SUMF1: variants seen among roughly 807,000 people sequenced by gnomAD.
SUMF1 encodes formylglycine-generating enzyme.
A neutral mutation model predicts 47.6 loss-of-function variants in SUMF1; 48 were observed. The observed-to-expected ratio is 1.01, with a 90% CI of 0.80 to 1.28. SUMF1 has a LOEUF of 1.28. SUMF1 is among the 50% of genes most tolerant of loss of function. The pLI is 0.00. For missense variants in SUMF1, 571 were observed against 485.4 expected, an observed-to-expected ratio of 1.18 and a Z score of -1.66; for synonymous variants, 230 against 192.1, an observed-to-expected ratio of 1.20 and a Z score of -1.63.
chr3:4,421,705 A>T (rs1375107216), intron 3 of SUMF1, among the ~76,000 whole-genome samples: 1 of 152,078 alleles, frequency 6.6e-6, no homozygotes, highest in Admixed American at 6.5e-5. Flanking sequence ...CTGGTCTTGA[A>T]CTACTGGGCT....
At chr3:4,456,640 A>G (rs1207725350) in intron 1 of SUMF1, among the ~76,000 whole-genome samples, 30 of 80,966 alleles carry the variant, frequency 3.7e-4, no homozygotes, top group Admixed American at 4.9e-4. Flanking sequence ...ATATACGTGT[A>G]TATATATATA....
At chr3:4,167,895 G>C (rs1013792689) in intron 8 of SUMF1, among the ~76,000 whole-genome samples, 1 of 152,140 alleles carries the variant, frequency 6.6e-6, no homozygotes, top group Admixed American at 6.5e-5. Flanking sequence ...TTAGATATAG[G>C]AGGAAGATAA....
At chr3:4,174,943 T>C (rs1010079533) in intron 8 of SUMF1, among the ~76,000 whole-genome samples, 4 of 152,124 alleles carry the variant, frequency 2.6e-5, no homozygotes, top group Admixed American at 2.0e-4. Flanking sequence ...ATTGCAGCAG[T>C]CTGAGATCAA....
chr3:4,252,064 T>G (rs1465555430), intron 8 of SUMF1, among the ~76,000 whole-genome samples: 2 of 152,212 alleles, frequency 1.3e-5, no homozygotes, highest in Non-Finnish European at 2.9e-5. Flanking sequence ...TGCCTGTAGA[T>G]AGTGGTAGTT....
chr3:4,135,304 C>T (rs1051969996), intron 8 of SUMF1, among the ~76,000 whole-genome samples: 5 of 152,082 alleles, frequency 3.3e-5, no homozygotes, highest in Non-Finnish European at 7.4e-5. Flanking sequence ...CCCTGGGATG[C>T]AAGGCTGGTT....
At chr3:4,211,103 CATAT>C (rs3046240) in intron 8 of SUMF1, among the ~76,000 whole-genome samples, 4 of 91,386 alleles carry the variant, frequency 4.4e-5, no homozygotes, top group Non-Finnish European at 8.6e-5. Context: ...AATAAACTCC[CATAT>C]ATATATATAT....
intron 8 of SUMF1, among the ~76,000 whole-genome samples, chr3:4,336,755 A>G (rs1470953819): frequency 6.6e-6 from 1 of 152,254 alleles, no homozygotes; most frequent in African/African-American, 2.4e-5. Context: ...CAATTTAGAT[A>G]CATTTGATAT....
At chr3:4,078,250 T>G (rs966152204) in intron 8 of SUMF1, among the ~76,000 whole-genome samples, 1 of 152,036 alleles carries the variant, frequency 6.6e-6, no homozygotes, top group Admixed American at 6.6e-5. Flanking sequence ...CAGATGGAAA[T>G]GGGGCTGGCT....
At chr3:4,252,335 T>TC (rs753354636) in intron 8 of SUMF1, among the ~76,000 whole-genome samples, 1 of 145,678 alleles carries the variant, frequency 6.9e-6, no homozygotes, top group East Asian at 2.0e-4. Flanking sequence ...TTGGATTCGC[T>TC]CCAAATACAC....
At chr3:4,198,030 CTTT>C (rs11413694) in intron 8 of SUMF1, among the ~76,000 whole-genome samples, 1 of 134,568 alleles carries the variant, frequency 7.4e-6, no homozygotes. Context: ...TTGTTTTAGG[CTTT>C]TTTTTTTTTT....
At chr3:4,103,744 G>C (rs1693091942) in intron 8 of SUMF1, among the ~76,000 whole-genome samples, 1 of 152,044 alleles carries the variant, frequency 6.6e-6, no homozygotes, top group African/African-American at 2.4e-5. Flanking sequence ...CAGATCCTTA[G>C]ACAAACCACC....
chr3:4,035,656 G>A (rs1694780086), intron 9 of SUMF1, among the ~76,000 whole-genome samples: 1 of 152,168 alleles, frequency 6.6e-6, no homozygotes, highest in Non-Finnish European at 1.5e-5. Context: ...GATAGACAGA[G>A]ACCAGTTTTT....
rs1695557030 is a variant in SUMF1 at position 4,202,303 on chromosome 3, A to G, written c.1015-133558T>C. 2.6e-5 allele frequency among the ~76,000 whole-genome samples: 4 copies of G among 151,894 alleles called. No individual in the cohort carries two copies. The South Asian group carries it at 8.3e-4, about 32-fold the overall frequency. On this transcript the variant is annotated intron_variant and NMD_transcript_variant, in intron 8 of 12. Coordinates refer to the SUMF1 transcript ENST00000448413. ...GTATATGGCAACAGATAGGGGTCTC[A>G]TTTCATTTTTCTGCATATGCATATC...
At chr3:4,142,659 C>T (rs552496264) in intron 8 of SUMF1, among the ~76,000 whole-genome samples, 1 of 152,036 alleles carries the variant, frequency 6.6e-6, no homozygotes, top group African/African-American at 2.4e-5. Context: ...AAAATAGGTA[C>T]CTTGGGAATC....
chr3:4,455,919 G>A (rs989994874), intron 1 of SUMF1, among the ~76,000 whole-genome samples: 19 of 150,838 alleles, frequency 1.3e-4, no homozygotes, highest in African/African-American at 4.1e-4. Flanking sequence ...AATACTACTA[G>A]AAGAAAAAAA....
Position 4,249,645 on chromosome 3 carries a change from T to A in SUMF1, c.1014+126685A>T, listed in dbSNP as rs539195720. ...CCCAATTCCCTGAGACACAGCAATA[T>A]TGAAATTATGCCAACTAATAACCCT... On this transcript the variant is annotated intron_variant and NMD_transcript_variant, in intron 8 of 12. Coordinates refer to the SUMF1 transcript ENST00000448413. 2.0e-5 allele frequency among the ~76,000 whole-genome samples: 3 copies of A among 152,274 alleles called. No individual in the cohort carries two copies. In the South Asian group the frequency reaches 6.2e-4, roughly 32 times the overall value.
At position 4,042,814 on chromosome 3, in the gene SUMF1, G is replaced by A. The variant is rs1002708419; in HGVS notation, c.1191+25755C>T. Among the ~76,000 whole-genome samples, 5 of 152,186 alleles carry A rather than the reference G, an allele frequency of 3.3e-5. No individual in the cohort carries two copies. The South Asian group carries it at 8.3e-4, about 25-fold the overall frequency. On this transcript the variant is annotated intron_variant and NMD_transcript_variant, in intron 9 of 12. Transcript: ENST00000448413. ...TATTATCCCTATTTATTGATGGGTT[G>A]CGGGGGAGAAACAGAAAAGGATCAG...
intron 8 of SUMF1, among the ~76,000 whole-genome samples, chr3:4,099,695 T>C (rs1469463334): frequency 6.6e-6 from 1 of 151,998 alleles, no homozygotes; most frequent in East Asian, 1.9e-4. Context: ...GACATGATCT[T>C]ATATAGAAAA....
chr3:4,250,763 A>G (rs59816868), intron 8 of SUMF1, among the ~76,000 whole-genome samples: 5,883 of 152,258 alleles, frequency 0.039, 363 homozygotes, highest in African/African-American at 0.13. Context: ...CAAAGCCGAG[A>G]TGCAATCATG....
Sources: gnomAD v4.1 joint callset for allele counts (sites outside exome capture counted in the v4.1 genomes callset) on GRCh38, gnomAD v4.1.1 for gene constraint, MANE v1.5 for transcripts, NCBI Gene and HGNC (gene_info 2026-07-23, HGNC 2026-07-21) for gene names.